DNM2: variants seen among roughly 807,000 people sequenced by gnomAD.
DNM2 encodes the protein dynamin 2.
Under a neutral mutation model 99.0 loss-of-function variants are expected in DNM2, and 15 were observed. The ratio of observed to expected loss-of-function variants is 0.15; its 90% CI spans 0.10 to 0.23. DNM2 has a LOEUF of 0.23. Ranked by LOEUF, DNM2 falls within the 10% of genes least tolerant of loss-of-function variation. The pLI is 1.00. For synonymous variants in DNM2, 525 were observed against 481.2 expected, an observed-to-expected ratio of 1.09 and a Z score of -1.19; for missense variants, 742 against 1,189.4, an observed-to-expected ratio of 0.62 and a Z score of 5.53.
At position 10,751,948 on chromosome 19, in the gene DNM2, C is replaced by T. The variant is rs183505587; in HGVS notation, c.162-7790C>T. 6.6e-5 allele frequency among the ~76,000 whole-genome samples: 10 copies of T among 152,378 alleles called. No individual in the cohort carries two copies. In the East Asian group the frequency reaches 1.5e-3, roughly 24 times the overall value. ...GAGAGCACACCTGAACAAAGGGACACGAGAGCCTTTATTCCTGATGCAAGT... is the reference window on the plus strand; with the variant it reads ...GAGAGCACACCTGAACAAAGGGACATGAGAGCCTTTATTCCTGATGCAAGT... On this transcript the variant is annotated intron_variant, in intron 1 of 20. Coordinates refer to ENST00000389253, the MANE Select transcript of DNM2 (RefSeq NM_001005361.3).
intron 6 of DNM2, among the ~76,000 whole-genome samples, chr19:10,783,705 ATTT>A (rs1020896849): frequency 6.9e-6 from 1 of 145,302 alleles, no homozygotes; most frequent in African/African-American, 2.6e-5. Flanking sequence ...TATTATTATT[ATTT>A]TTTATTTTTG....
chr19:10,725,949 G>A (rs1324769064), intron 1 of DNM2, among the ~76,000 whole-genome samples: 1 of 152,004 alleles, frequency 6.6e-6, no homozygotes, highest in African/African-American at 2.4e-5. Context: ...GGCAGGGAGC[G>A]ATGGCTCACA....
In DNM2 at chr19:10,817,558, G is replaced by A. The variant is rs765135350; in HGVS notation, c.1672-2422G>A. ...GACGCTGGGGCCACCAGGCCAGGCC[G>A]TGCCTCAGCACCTCTGAGCAGCCAA... On this transcript the variant is annotated intron_variant, in intron 15 of 20. Coordinates refer to ENST00000389253, the MANE Select transcript of DNM2 (RefSeq NM_001005361.3). This position sits in a 1 kb window ranked among gnomAD's most constrained non-coding sequence, Gnocchi z 4.6. 1.2e-4 allele frequency: 49 copies of A among 413,634 alleles called. No homozygotes were observed. The East Asian group carries it at 1.6e-3, about 13-fold the overall frequency. The allele number at this position is 413,634 out of a possible 1,614,324, so 25.6% of individuals were successfully genotyped here.
At position 10,802,226 on chromosome 19, in the gene DNM2, T is replaced by C. The variant is rs374902037; in HGVS notation, c.1423-62T>C. The C allele has an allele frequency of 8.9e-6, 14 of 1,576,290 alleles. No homozygotes were observed. The African/African-American group carries it at 1.9e-4, about 21-fold the overall frequency. ...TGCTGGCAAGGCCAGGAAATGCTCT[T>C]GCCGCTGCCCCCCCTTGCCAGGCTT... On this transcript the variant is annotated intron_variant, in intron 11 of 20. Transcript: ENST00000389253.
chr19:10,770,401 CCTTT>C (rs1203520866), intron 2 of DNM2, among the ~76,000 whole-genome samples: 2 of 152,072 alleles, frequency 1.3e-5, no homozygotes, highest in African/African-American at 4.8e-5. Context: ...ACTTATTACC[CCTTT>C]CTTTCTTTGT....
intron 16 of DNM2, 182 bp from the exon 17 acceptor site, chr19:10,823,606 G>T: frequency 1.7e-6 from 1 of 603,772 alleles, no homozygotes; most frequent in Non-Finnish European, 3.0e-6. Flanking sequence ...TGCCGAGCTT[G>T]TGCACAGCGC....
chr19:10,762,281 G>T (rs1490253437), intron 2 of DNM2, among the ~76,000 whole-genome samples: 1 of 152,098 alleles, frequency 6.6e-6, no homozygotes, highest in East Asian at 1.9e-4. Flanking sequence ...CAAATGATCT[G>T]CCCGCCTCTG....
At chr19:10,766,901 T>C (rs2070815602) in intron 2 of DNM2, among the ~76,000 whole-genome samples, 1 of 152,092 alleles carries the variant, frequency 6.6e-6, no homozygotes, top group Non-Finnish European at 1.5e-5. Context: ...TGCGAACCTC[T>C]CTGAGGGGGC....
At chr19:10,786,769 C>T (rs1274637308) in intron 7 of DNM2, 63 bp downstream of exon 7, 35 of 1,607,628 alleles carry the variant, frequency 2.2e-5, no homozygotes, top group Non-Finnish European at 2.9e-5. Flanking sequence ...AGCCACAGGG[C>T]CCCCTAGGCT....
chr19:10,733,982 T>A (rs1001293159), intron 1 of DNM2, among the ~76,000 whole-genome samples: 1 of 150,772 alleles, frequency 6.6e-6, no homozygotes, highest in South Asian at 2.1e-4. Context: ...TACTTCAGCC[T>A]GGACAACAAA....
chr19:10,754,124 G>T (rs1309368297), intron 1 of DNM2, among the ~76,000 whole-genome samples: 3 of 152,124 alleles, frequency 2.0e-5, no homozygotes. Context: ...AACTAACAGG[G>T]TTGTAACAAT....
chr19:10,819,774 G>C (rs1199510346), intron 15 of DNM2, among the ~76,000 whole-genome samples: 3 of 152,156 alleles, frequency 2.0e-5, no homozygotes, highest in Non-Finnish European at 4.4e-5. Context: ...GAACCCAGGT[G>C]GGATACTCAG....
chr19:10,721,830 C>T (rs58380026), intron 1 of DNM2, among the ~76,000 whole-genome samples: 12,745 of 152,202 alleles, frequency 0.084, 562 homozygotes, highest in Middle Eastern at 0.11. Context: ...GTTTTACCTG[C>T]GTAGCTTTTG....
rs1301108001 is a variant in DNM2, at chr19:10,825,724, G to A, written c.2058+503G>A. 7.3e-5 allele frequency among the ~76,000 whole-genome samples: 11 copies of A among 151,518 alleles called. 1 individual carries two copies. The highest frequency in any genetic ancestry group is 1.3e-4 in the Admixed American group (2 of 15,184). ...ACAAAAAGTAGCCGGGCATGGTGGC[G>A]GGTGCCTGTAATCCAGCTACCCGGG... On this transcript the variant is annotated intron_variant, in intron 18 of 20. Transcript: ENST00000389253.
chr19:10,806,685 C>G (rs1433246625), intron 13 of DNM2, among the ~76,000 whole-genome samples: 2 of 152,016 alleles, frequency 1.3e-5, no homozygotes, highest in African/African-American at 4.8e-5. Context: ...CCCAGCTACT[C>G]AGGAGGCTGA....
intron 1 of DNM2, among the ~76,000 whole-genome samples, chr19:10,757,221 G>A (rs2070420565): frequency 6.6e-6 from 1 of 152,120 alleles, no homozygotes; most frequent in African/African-American, 2.4e-5. Flanking sequence ...TTCTCATGCA[G>A]TCCAGGCTGC....
At chr19:10,725,282 C>G (rs931363091) in intron 1 of DNM2, among the ~76,000 whole-genome samples, 2 of 152,034 alleles carry the variant, frequency 1.3e-5, no homozygotes, top group Non-Finnish European at 2.9e-5. Context: ...CCGATCTCTA[C>G]TAAAAATACA....
rs1375759697 is a variant in DNM2 at position 10,762,803 on chromosome 19, G to A, written c.235+2992G>A. Among the ~76,000 whole-genome samples the A allele has an allele frequency of 3.3e-5, 5 of 152,220 alleles. No homozygotes were observed. The East Asian group carries it at 5.8e-4, about 18-fold the overall frequency. On this transcript the variant is annotated intron_variant, in intron 2 of 20. Transcript: ENST00000389253. ...CCAAGGTGTGACTTGACCAGATCCT[G>A]TGGCTGTTGGTGGAAAAGGGACCAC...
intron 2 of DNM2, among the ~76,000 whole-genome samples, chr19:10,766,297 C>T (rs2070793729): frequency 6.6e-6 from 1 of 152,180 alleles, no homozygotes; most frequent in African/African-American, 2.4e-5. Context: ...TGACCAAGGG[C>T]CTTCGGTCAC....
Sources: gnomAD v4.1 joint callset for allele counts (sites outside exome capture counted in the v4.1 genomes callset) on GRCh38, gnomAD v4.1.1 for gene constraint, Gnocchi (gnomAD v3.1) non-coding constraint, MANE v1.5 for transcripts, NCBI Gene and HGNC (gene_info 2026-07-23, HGNC 2026-07-21) for gene names.